WDR72: variants seen among roughly 807,000 people sequenced by gnomAD.
WDR72 encodes WD repeat-containing protein 72.
A neutral mutation model predicts 124.2 loss-of-function variants in WDR72; 120 were observed. The observed-to-expected ratio is 0.97, with a 90% confidence interval of 0.83 to 1.12. The LOEUF is 1.12. Ranked by LOEUF, WDR72 falls within the 50% of genes most tolerant of loss-of-function variation. The probability of loss-of-function intolerance (pLI) is 0.00; values close to 1 mark genes in which losing one functional copy is unlikely to be tolerated. For missense variants in WDR72, 1,387 were observed against 1,278.8 expected (o/e 1.08, Z -1.29); for synonymous variants, 452 against 441.7 (o/e 1.02, Z -0.29).
intron 1 of WDR72, among the ~76,000 whole-genome samples, chr15:53,746,599 C>G (rs909857523): frequency 3.9e-5 from 6 of 152,176 alleles, no homozygotes; most frequent in African/African-American, 1.4e-4. Context: ...CTCTGTGAAT[C>G]CCATCTCTTA....
At position 53,597,243 on chromosome 15, in the gene WDR72, G is replaced by A. The variant is rs771955935; in HGVS notation, c.2984C>T (p.Ala995Val). ...VTEAIQAVLL[A>V]EVQQHMKSLG... ...ACTCTTCATGTGTTGTTGAACTTCC[G>A]CCAAGAGAACAGCTTGTATTGCTTC... The change falls in exon 18 of 20, where the codon GCG becomes GTG. Residue 995 changes from alanine to valine, a missense_variant. Physicochemically the swap from Ala to Val is moderately conservative, Grantham distance 64. Coordinates refer to ENST00000360509, the MANE Select transcript of WDR72 (RefSeq NM_182758.4). 21 of 1,613,544 alleles carry A rather than the reference G, an allele frequency of 1.3e-5. No individual in the cohort carries two copies. The highest frequency in any genetic ancestry group is 6.7e-5 in the East Asian group (3 of 44,868).
chr15:53,514,731 T>C lies in WDR72; in HGVS notation c.*2968A>G, dbSNP rs772613302. The C allele has an allele frequency of 6.6e-6, 1 of 152,050 alleles. No individual in the cohort carries two copies. Among genetic ancestry groups the C allele is most frequent in the African/African-American group, 2.4e-5 (1 of 41,418 alleles). The allele number at this position is 152,050 out of a possible 1,614,324, so 9.4% of individuals were successfully genotyped here. Reference sequence around the variant, plus strand: ...GTTTCTAACATTATACATTTTTCCTTATATTTGAAGTGTTTAATAGTGCTC... The same window carrying C: ...GTTTCTAACATTATACATTTTTCCTCATATTTGAAGTGTTTAATAGTGCTC... On this transcript the variant is annotated 3_prime_UTR_variant, in exon 20 of 20. Transcript: ENST00000360509.
At chr15:53,668,184 A>G (rs558160033) in intron 13 of WDR72, among the ~76,000 whole-genome samples, 2 of 152,336 alleles carry the variant, frequency 1.3e-5, no homozygotes, top group African/African-American at 4.8e-5. Flanking sequence ...AATGTTAGAC[A>G]CTCGGTTTTG....
At chr15:53,622,799 C>A (rs7181214) in intron 14 of WDR72, among the ~76,000 whole-genome samples, 15 of 151,722 alleles carry the variant, frequency 9.9e-5, no homozygotes, top group African/African-American at 3.2e-4. Context: ...CTAAACTAAA[C>A]TAAAATAAAG....
intron 3 of WDR72, among the ~76,000 whole-genome samples, chr15:53,717,029 T>TATTCTG (rs1345814195): frequency 3.9e-5 from 6 of 152,138 alleles, no homozygotes; most frequent in Non-Finnish European, 1.5e-5. Context: ...TCACTGAACT[T>TATTCTG]AAACTACATA....
chr15:53,625,964 C>T (rs901288443), intron 14 of WDR72, among the ~76,000 whole-genome samples: 3 of 152,156 alleles, frequency 2.0e-5, no homozygotes, highest in African/African-American at 7.2e-5. Context: ...TGGTTTTACT[C>T]CTGGCTTTTG....
At chr15:53,679,930 C>T (rs1390541901) in intron 13 of WDR72, among the ~76,000 whole-genome samples, 5 of 122,638 alleles carry the variant, frequency 4.1e-5, no homozygotes, top group Admixed American at 1.9e-4. Context: ...ATCAAACATG[C>T]TATATATCTG....
chr15:53,573,539 GCTT>G (rs1483989790), intron 18 of WDR72, among the ~76,000 whole-genome samples: 1 of 150,156 alleles, frequency 6.7e-6, no homozygotes, highest in African/African-American at 2.5e-5. Flanking sequence ...AACACCAACT[GCTT>G]CTTTTCTTTT....
At chr15:53,582,569 G>A (rs539853169) in intron 18 of WDR72, among the ~76,000 whole-genome samples, 3 of 151,768 alleles carry the variant, frequency 2.0e-5, no homozygotes, top group East Asian at 3.9e-4. Flanking sequence ...TTGTTTCCCC[G>A]AATACCTGAC....
chr15:53,564,745 T>C (rs1326457161), intron 18 of WDR72, among the ~76,000 whole-genome samples: 1 of 151,936 alleles, frequency 6.6e-6, no homozygotes, highest in Non-Finnish European at 1.5e-5. Flanking sequence ...CTTCCATGCC[T>C]ACTGAAAATC....
At chr15:53,741,526 C>A (rs1219623648) in intron 1 of WDR72, among the ~76,000 whole-genome samples, 1 of 152,058 alleles carries the variant, frequency 6.6e-6, no homozygotes, top group South Asian at 2.1e-4. Flanking sequence ...ACCTGAGCTG[C>A]CTACATTTCA....
chr15:53,744,452 G>A (rs2018593012), intron 1 of WDR72, among the ~76,000 whole-genome samples: 1 of 152,100 alleles, frequency 6.6e-6, no homozygotes, highest in Non-Finnish European at 1.5e-5. Context: ...CGCACTCACA[G>A]GATGACCTGC....
chr15:53,722,816 A>G lies in WDR72; in HGVS notation c.246T>C (p.Ser82=), dbSNP rs757010415. Residue 82 remains serine, a synonymous_variant, in exon 3 of 20, where the codon AGT becomes AGC. Coordinates refer to ENST00000360509, the MANE Select transcript of WDR72 (RefSeq NM_182758.4). ...RDFSKQPYIV[S]AAENGEMCVW... is the part of the protein sequence containing the mutation. The stretch of plus-strand genomic sequence containing the variant: ...ACCATACCTACCCATTTTCAGCAGC[A>G]CTAACAATGTAGGGCTGTTTAGAGA... 2 of 1,613,284 alleles carry G rather than the reference A, an allele frequency of 1.2e-6. No homozygotes were observed. The highest frequency in any genetic ancestry group is 8.5e-7 in the Non-Finnish European group (1 of 1,179,938).
rs1161650381 is a variant in WDR72 at position 53,545,712 on chromosome 15, C to G, written c.3149-22390G>C. ...TCTGCACCGCAAAAGAAACTACCATCAGAGTGAGCAGGCAACCTACAAAAT... is the reference window on the plus strand; with the variant it reads ...TCTGCACCGCAAAAGAAACTACCATGAGAGTGAGCAGGCAACCTACAAAAT... On this transcript the variant is annotated intron_variant, in intron 18 of 19. Transcript: ENST00000360509. Among the ~76,000 whole-genome samples the G allele has an allele frequency of 7.5e-5, 10 of 133,578 alleles. 2 individuals carry two copies. Among genetic ancestry groups the G allele is most frequent in the African/African-American group, 2.3e-4 (8 of 34,050 alleles). 87.6% of individuals were successfully genotyped at this position (133,578 alleles called of 152,430 possible). A position where few individuals can be genotyped will look rare whatever the true frequency, so the allele number is the denominator to read the frequency against.
intron 13 of WDR72, chr15:53,684,049 A>G (rs901137796): frequency 2.6e-5 from 4 of 152,236 alleles, no homozygotes; most frequent in African/African-American, 4.8e-5. Context: ...TAAAATCAGC[A>G]AAATCTTAAA....
intron 16 of WDR72, among the ~76,000 whole-genome samples, chr15:53,612,306 TTAG>T (rs1417571958): frequency 6.6e-6 from 1 of 152,092 alleles, no homozygotes; most frequent in Non-Finnish European, 1.5e-5. Context: ...AGCTTACAAC[TTAG>T]TAGCAGGAGG....
At chr15:53,597,011 A>C in intron 18 of WDR72, 68 bp downstream of exon 18, 6 of 1,486,288 alleles carry the variant, frequency 4.0e-6, no homozygotes, top group Non-Finnish European at 5.6e-6. Context: ...TTGCACCACC[A>C]TAAGTTGGAG....
chr15:53,529,854 G>C (rs1595733021), intron 18 of WDR72, among the ~76,000 whole-genome samples: 1 of 151,952 alleles, frequency 6.6e-6, no homozygotes, highest in African/African-American at 2.4e-5. Flanking sequence ...AGATTATAAG[G>C]ATATAGGATG....
At chr15:53,714,271 C>T (rs978406198) in intron 6 of WDR72, among the ~76,000 whole-genome samples, 163 bp downstream of exon 6, 1 of 151,968 alleles carries the variant, frequency 6.6e-6, no homozygotes, top group African/African-American at 2.4e-5. Flanking sequence ...TACCAAGGCT[C>T]ACCCCTGGGA....
Sources: allele counts gnomAD v4.1 joint callset (sites outside exome capture counted in the v4.1 genomes callset), GRCh38; gene constraint gnomAD v4.1.1; transcripts MANE v1.5; gene names NCBI Gene and HGNC (gene_info 2026-07-23, HGNC 2026-07-21).